Variants in SETD2 observed in about 807,000 individuals in gnomAD.
SETD2 encodes the protein histone-lysine N-methyltransferase SETD2.
Under a neutral mutation model 242.1 loss-of-function variants are expected in SETD2, and 31 were observed. The observed-to-expected ratio is 0.13, with a 90% CI of 0.10 to 0.17. The LOEUF (loss-of-function observed/expected upper bound fraction) is 0.17, where lower values mean the gene tolerates loss of function less well. SETD2 is among the 10% of genes least tolerant of loss of function. The pLI, the probability that SETD2 is intolerant of heterozygous loss-of-function variation, is 1.00. For missense variants in SETD2, 2,481 were observed against 3,046.3 expected (o/e 0.81, Z 4.37); for synonymous variants, 1,006 against 1,066.5 (o/e 0.94, Z 1.11).
At chr3:47,019,375 G>A (rs1269016585) in intron 19 of SETD2, among the ~76,000 whole-genome samples, 4 of 152,196 alleles carry the variant, frequency 2.6e-5, no homozygotes, top group African/African-American at 9.7e-5. Flanking sequence ...GGGTACTGAA[G>A]TGCTTAACCA....
chr3:47,135,075 A>C (rs1260164112), intron 1 of SETD2, among the ~76,000 whole-genome samples: 1 of 152,200 alleles, frequency 6.6e-6, no homozygotes. Flanking sequence ...TCTCTACCCC[A>C]CCAGGAATTT....
chr3:47,026,267 G>A (rs1035493573), intron 18 of SETD2, among the ~76,000 whole-genome samples: 3 of 152,142 alleles, frequency 2.0e-5, no homozygotes, highest in African/African-American at 4.8e-5. Context: ...ACCATCTCAC[G>A]CCAGTTAGAA....
At chr3:47,046,816 C>A in intron 15 of SETD2, 195 bp from the exon 16 acceptor site, 3 of 361,080 alleles carry the variant, frequency 8.3e-6, no homozygotes, top group Non-Finnish European at 1.5e-5. Context: ...ATTCCCTATT[C>A]ATTTACTTAC....
chr3:47,106,169 G>T (rs768472401), intron 5 of SETD2, 49 bp from the exon 6 acceptor site: 1 of 1,562,838 alleles, frequency 6.4e-7, no homozygotes, highest in Non-Finnish European at 8.7e-7. Flanking sequence ...GGAGCAGTAG[G>T]GAAAACATAT....
chr3:47,021,154 ATG>A (rs1279950719), intron 18 of SETD2, among the ~76,000 whole-genome samples: 1 of 152,186 alleles, frequency 6.6e-6, no homozygotes, highest in Non-Finnish European at 1.5e-5. Context: ...TGTAGATGGT[ATG>A]AGTATGCTCC....
intron 1 of SETD2, among the ~76,000 whole-genome samples, chr3:47,148,107 TG>T (rs2043902714): frequency 2.6e-5 from 2 of 75,998 alleles, no homozygotes; most frequent in Admixed American, 1.4e-4. Flanking sequence ...TTTTTGGTTG[TG>T]TTTTGTTGTT....
chr3:47,021,335 G>A (rs1466567011), intron 18 of SETD2, among the ~76,000 whole-genome samples: 1 of 152,168 alleles, frequency 6.6e-6, no homozygotes, highest in East Asian at 1.9e-4. Context: ...TCCTATAGAA[G>A]AGGCCATGCT....
At chr3:47,127,854 C>T (rs1289169160) in intron 1 of SETD2, among the ~76,000 whole-genome samples, 1 of 151,958 alleles carries the variant, frequency 6.6e-6, no homozygotes, top group Non-Finnish European at 1.5e-5. Flanking sequence ...AACTCCATCT[C>T]AAAAAATGAA....
intron 13 of SETD2, among the ~76,000 whole-genome samples, chr3:47,063,084 C>T (rs377447908): frequency 6.6e-6 from 1 of 152,166 alleles, no homozygotes; most frequent in African/African-American, 2.4e-5. Flanking sequence ...ATCCACCTCA[C>T]GGAACCCACA....
At chr3:47,055,648 G>A (rs1025796908) in intron 15 of SETD2, among the ~76,000 whole-genome samples, 12 of 151,120 alleles carry the variant, frequency 7.9e-5, no homozygotes, top group Middle Eastern at 3.2e-3. Context: ...AGCTATGATC[G>A]CATCACTGTA....
intron 15 of SETD2, among the ~76,000 whole-genome samples, chr3:47,052,586 G>A (rs975063689): frequency 1.3e-5 from 2 of 152,112 alleles, no homozygotes; most frequent in Non-Finnish European, 2.9e-5. Flanking sequence ...GGAGGCCGAG[G>A]CAGGTGGATC....
chr3:47,063,065 AG>A (rs2040407267), intron 13 of SETD2, among the ~76,000 whole-genome samples: 11 of 152,332 alleles, frequency 7.2e-5, no homozygotes, highest in Admixed American at 4.6e-4. Context: ...TGCATACTCA[AG>A]TCCCACAATC....
intron 3 of SETD2, among the ~76,000 whole-genome samples, chr3:47,116,977 G>A (rs573994646): frequency 6.6e-6 from 1 of 152,016 alleles, no homozygotes; most frequent in East Asian, 1.9e-4. Context: ...CTGAATAGCT[G>A]GGACCACAGC....
intron 5 of SETD2, among the ~76,000 whole-genome samples, chr3:47,112,205 G>C (rs1320978724): frequency 6.9e-6 from 1 of 145,600 alleles, no homozygotes; most frequent in African/African-American, 2.5e-5. Flanking sequence ...CCTCCTCCTC[G>C]TGGGTTCAAG....
Position 47,016,940 on chromosome 3 carries a change from G to T in SETD2, c.*153C>A, listed in dbSNP as rs1352783009. 2.9e-6 allele frequency: 2 copies of T among 690,494 alleles called. No individual in the cohort carries two copies. The highest frequency in any genetic ancestry group is 4.9e-6 in the Non-Finnish European group (2 of 410,786). The allele number at this position is 690,494 out of a possible 1,614,324, so 42.8% of individuals were successfully genotyped here. ...CTTGTAGATGGAGTTCATTTTTGTGGCCTTCAGTTGACATCTGCAGGGTTG... is the reference window on the plus strand; with the variant it reads ...CTTGTAGATGGAGTTCATTTTTGTGTCCTTCAGTTGACATCTGCAGGGTTG... On this transcript the variant is annotated 3_prime_UTR_variant, in exon 21 of 21. Coordinates refer to ENST00000409792, the MANE Select transcript of SETD2 (RefSeq NM_014159.7).
intron 9 of SETD2, 25 bp from the exon 10 acceptor site, chr3:47,088,272 T>C: frequency 1.3e-6 from 2 of 1,573,612 alleles, no homozygotes; most frequent in Non-Finnish European, 1.7e-6. Context: ...AAAAATACCT[T>C]TTTATAAAAC....
chr3:47,042,510 T>C (rs374118016), intron 17 of SETD2, 51 bp downstream of exon 17: 142 of 1,601,440 alleles, frequency 8.9e-5, no homozygotes, highest in Non-Finnish European at 1.1e-4. Context: ...AGTGGCAACT[T>C]CTTTGATTAA....
intron 1 of SETD2, among the ~76,000 whole-genome samples, chr3:47,140,213 T>C (rs987906117): frequency 3.3e-5 from 5 of 152,216 alleles, no homozygotes; most frequent in African/African-American, 4.8e-5. Flanking sequence ...TGTTAACAAC[T>C]GTATTTATGC....
chr3:47,139,271 C>T (rs2043668341), intron 1 of SETD2, among the ~76,000 whole-genome samples: 1 of 152,162 alleles, frequency 6.6e-6, no homozygotes, highest in Admixed American at 6.5e-5. Context: ...TAAAGCCTTT[C>T]CTTCCTTTGA....
Sources: allele counts gnomAD v4.1 joint callset (sites outside exome capture counted in the v4.1 genomes callset), GRCh38; gene constraint gnomAD v4.1.1; transcripts MANE v1.5; gene names NCBI Gene and HGNC (gene_info 2026-07-23, HGNC 2026-07-21).